Variants in EYS observed in about 807,000 individuals in gnomAD.
EYS encodes the protein protein eyes shut homolog.
Under a neutral mutation model 282.1 loss-of-function variants are expected in EYS, and 250 were observed. That is an observed-to-expected ratio of 0.89 (90% confidence interval 0.80 to 0.98). The LOEUF (loss-of-function observed/expected upper bound fraction) is 0.98. Among genes scored for constraint, EYS ranks in the 50% least tolerant of loss-of-function variants. The pLI, the probability that EYS is intolerant of heterozygous loss-of-function variation, is 0.00. For missense variants in EYS, 4,016 were observed against 3,709.0 expected (o/e 1.08, Z -2.15); for synonymous variants, 1,355 against 1,282.9 (o/e 1.06, Z -1.20).
intron 30 of EYS, among the ~76,000 whole-genome samples, chr6:64,305,371 T>TA (rs200266597): frequency 1.3e-5 from 2 of 150,374 alleles, no homozygotes; most frequent in African/African-American, 5.0e-5. Flanking sequence ...TTTTCAGAAA[T>TA]AAAAAAATAA....
At chr6:65,562,444 G>A (rs1351077369) in intron 2 of EYS, among the ~76,000 whole-genome samples, 1 of 151,962 alleles carries the variant, frequency 6.6e-6, no homozygotes, top group African/African-American at 2.4e-5. Context: ...CATAAGGACA[G>A]AATGGAAAGA....
intron 26 of EYS, among the ~76,000 whole-genome samples, chr6:64,531,104 G>T (rs1272398313): frequency 6.6e-6 from 1 of 152,030 alleles, no homozygotes; most frequent in Admixed American, 6.6e-5. Context: ...AGAAACAAGA[G>T]AAACCAGAAA....
intron 12 of EYS, among the ~76,000 whole-genome samples, chr6:65,176,007 A>G (rs568985445): frequency 2.4e-4 from 37 of 151,700 alleles, no homozygotes; most frequent in African/African-American, 7.5e-4. Flanking sequence ...TATGTAATAC[A>G]TTGTGGAATA....
intron 14 of EYS, among the ~76,000 whole-genome samples, chr6:64,988,104 A>G (rs1770925613): frequency 6.6e-6 from 1 of 151,186 alleles, no homozygotes; most frequent in African/African-American, 2.4e-5. Context: ...CAGCTACAGG[A>G]AGGGAGATTT....
At chr6:64,879,024 G>T (rs575917174) in intron 19 of EYS, among the ~76,000 whole-genome samples, 2 of 152,284 alleles carry the variant, frequency 1.3e-5, no homozygotes, top group Middle Eastern at 3.4e-3. Flanking sequence ...AGGGTTTGAA[G>T]AAATAATTTA....
At chr6:64,477,453 G>T (rs1305781121) in intron 26 of EYS, among the ~76,000 whole-genome samples, 7 of 152,030 alleles carry the variant, frequency 4.6e-5, no homozygotes, top group Non-Finnish European at 7.4e-5. Context: ...CATGTTTTGT[G>T]CTGTGGTCAG....
rs139617671 is a variant in EYS, at chr6:64,330,241, C to A, written c.6079-23159G>T. ...AAAGAGCAAGGTATCTTGGCTTTAA[C>A]ATCTCTCAAGGGCAGCGTGAGCTCG... On this transcript the variant is annotated intron_variant, in intron 29 of 42. Coordinates refer to ENST00000503581, the MANE Select transcript of EYS (RefSeq NM_001142800.2). 5.9e-5 allele frequency among the ~76,000 whole-genome samples: 9 copies of A among 152,294 alleles called. No homozygotes were observed. In the East Asian group the frequency reaches 1.4e-3, roughly 23 times the overall value.
chr6:64,625,942 T>C (rs1582967748), intron 23 of EYS, among the ~76,000 whole-genome samples, 179 bp downstream of exon 23: 1 of 152,340 alleles, frequency 6.6e-6, no homozygotes, highest in Non-Finnish European at 1.5e-5. Context: ...TCTAGTATCA[T>C]ACAACATTCA....
chr6:65,701,814 T>C (rs993252681), intron 1 of EYS, among the ~76,000 whole-genome samples: 3 of 152,190 alleles, frequency 2.0e-5, no homozygotes, highest in Non-Finnish European at 2.9e-5. Context: ...TAAAAGGGCA[T>C]ATACATATAT....
intron 29 of EYS, among the ~76,000 whole-genome samples, chr6:64,307,526 T>C (rs1286768904): frequency 6.6e-6 from 1 of 151,960 alleles, no homozygotes; most frequent in Non-Finnish European, 1.5e-5. Flanking sequence ...ACCAAATCTG[T>C]GGTTATAAAG....
chr6:64,830,215 A>G (rs2150027494), intron 19 of EYS, among the ~76,000 whole-genome samples: 1 of 152,066 alleles, frequency 6.6e-6, no homozygotes, highest in South Asian at 2.1e-4. Context: ...TGGACATCAA[A>G]TCTGCTGCCA....
At chr6:65,238,251 AAATAT>A (rs1156910297) in intron 12 of EYS, among the ~76,000 whole-genome samples, 3 of 149,846 alleles carry the variant, frequency 2.0e-5, no homozygotes, top group Admixed American at 6.7e-5. Flanking sequence ...ATCCTTTTAA[AAATAT>A]AATATATATA....
Position 64,902,439 on chromosome 6 carries a change from A to T in EYS, c.2703T>A (p.Asp901Glu). ...TGACCATATCTTCACAGTCACCATA[A>T]TCCTGGCAGGAAAGGAAGAGGCAGT... The part of the protein sequence containing the change: ...VKDCLFLSCQ[D>E]YGDCEDMVNN... Residue 901 changes from aspartate to glutamate, a missense_variant, in exon 17 of 43, where the codon GAT (aspartate) becomes GAA (glutamate). Coordinates refer to ENST00000503581, the MANE Select transcript of EYS (RefSeq NM_001142800.2). 6.5e-7 allele frequency: 1 copy of T among 1,533,194 alleles called. No individual in the cohort carries two copies. The highest frequency in any genetic ancestry group is 1.3e-5 in the South Asian group (1 of 79,366). The allele number at this position is 1,533,194 out of a possible 1,614,324, so 95.0% of individuals were successfully genotyped here.
Position 65,332,409 on chromosome 6 carries a change from A to T in EYS, c.1766+2571T>A, listed in dbSNP as rs937566882. ...AATTTGGTGTGGTATCACCGTGTTG[A>T]GGATTCTTCTGTGAATTAATTTGGG... On this transcript the variant is annotated intron_variant, in intron 11 of 42. Coordinates refer to ENST00000503581, the MANE Select transcript of EYS (RefSeq NM_001142800.2). The T allele has an allele frequency of 9.6e-6, 13 of 1,360,362 alleles. 1 individual carries two copies. The Admixed American group carries it at 2.6e-4, about 27-fold the overall frequency. The allele number at this position is 1,360,362 out of a possible 1,614,324, so 84.3% of individuals were successfully genotyped here.
intron 11 of EYS, chr6:65,300,864 A>G (rs979117384): frequency 1.3e-5 from 2 of 152,142 alleles, no homozygotes; most frequent in African/African-American, 4.8e-5. Flanking sequence ...TTGGGAGTAG[A>G]TTTTTACTTA....
At chr6:64,225,394 T>A (rs943243237) in intron 31 of EYS, among the ~76,000 whole-genome samples, 4 of 151,938 alleles carry the variant, frequency 2.6e-5, no homozygotes, top group African/African-American at 9.7e-5. Flanking sequence ...TTAAGATTGC[T>A]AACCAGCTGA....
Position 65,341,062 on chromosome 6 carries a change from G to A in EYS, c.1599+2976C>T, listed in dbSNP as rs147153760. 7.0e-3 allele frequency among the ~76,000 whole-genome samples: 1,059 copies of A among 151,150 alleles called. 5 individuals carry two copies. Among genetic ancestry groups the A allele is most frequent in the Non-Finnish European group, 0.012 (785 of 67,340 alleles). ...ATATATACAAATAGGAAAACTCTCC[G>A]TCTTCATCACTTTTTCAGGTGAGTC... On this transcript the variant is annotated intron_variant, in intron 10 of 42. Coordinates refer to ENST00000503581, the MANE Select transcript of EYS (RefSeq NM_001142800.2).
At chr6:63,902,175 T>C (rs1773674925) in intron 35 of EYS, among the ~76,000 whole-genome samples, 2 of 152,140 alleles carry the variant, frequency 1.3e-5, no homozygotes, top group African/African-American at 4.8e-5. Flanking sequence ...ATTACAAGCA[T>C]GAGGCACCGT....
chr6:64,687,142 T>G (rs928372061), intron 22 of EYS, among the ~76,000 whole-genome samples: 2 of 151,682 alleles, frequency 1.3e-5, no homozygotes, highest in Non-Finnish European at 2.9e-5. Context: ...TAATTCTACA[T>G]AAACTCTCTA....
Sources: gnomAD v4.1 joint callset for allele counts (sites outside exome capture counted in the v4.1 genomes callset) on GRCh38, gnomAD v4.1.1 for gene constraint, MANE v1.5 for transcripts, NCBI Gene and HGNC (gene_info 2026-07-23, HGNC 2026-07-21) for gene names.